The following WWOX variants were observed in gnomAD, a reference collection of about 807,000 sequenced individuals.
WWOX encodes the protein WW domain containing oxidoreductase.
A neutral mutation model predicts 46.2 loss-of-function variants in WWOX; 69 were observed. That is an observed-to-expected ratio of 1.49 (90% CI 1.23 to 1.82). The LOEUF (loss-of-function observed/expected upper bound fraction) is 1.82. Ranked by LOEUF, WWOX falls within the 40% of genes most tolerant of loss-of-function variation. WWOX has a pLI of 0.00. For synonymous variants in WWOX, 359 were observed against 202.6 expected (o/e 1.77, Z -6.56); for missense variants, 919 against 542.6 (o/e 1.69, Z -6.89).
chr16:78,912,043 A>G (rs117670448), intron 8 of WWOX, among the ~76,000 whole-genome samples: 1 of 151,966 alleles, frequency 6.6e-6, no homozygotes, highest in Non-Finnish European at 1.5e-5. Flanking sequence ...GGGCAAAGCT[A>G]CCTAGGTTCT....
At chr16:78,589,871 A>G (rs891171761) in intron 8 of WWOX, among the ~76,000 whole-genome samples, 3 of 152,168 alleles carry the variant, frequency 2.0e-5, no homozygotes, top group African/African-American at 4.8e-5. Context: ...CAAGGGGGGA[A>G]AAATGGAAAA....
intron 8 of WWOX, among the ~76,000 whole-genome samples, chr16:78,473,592 A>T (rs745895723): frequency 2.7e-5 from 4 of 145,892 alleles, no homozygotes; most frequent in Non-Finnish European, 4.5e-5. Context: ...TTCAGGGGAG[A>T]TTGTTGTCCC....
chr16:78,622,370 C>T (rs1249770357), intron 8 of WWOX, among the ~76,000 whole-genome samples: 1 of 151,966 alleles, frequency 6.6e-6, no homozygotes, highest in African/African-American at 2.4e-5. Flanking sequence ...TGGTAAAACC[C>T]CACCTCTACT....
In WWOX at chr16:78,717,235, A is replaced by C. The variant is rs577850113; in HGVS notation, c.1056+284483A>C. Among the ~76,000 whole-genome samples, 57 of 152,190 alleles carry C rather than the reference A, an allele frequency of 3.7e-4. 1 individual carries two copies. The highest frequency in any genetic ancestry group is 1.2e-4 in the Non-Finnish European group (8 of 68,028). On this transcript the variant is annotated intron_variant, in intron 8 of 8. Transcript: ENST00000566780. The stretch of plus-strand genomic sequence containing the variant: ...TTTTAAATTTAATTTAAATCAATTC[A>C]TTAAGCATTGCTAAATTGGAAAACC...
intron 8 of WWOX, among the ~76,000 whole-genome samples, chr16:78,882,634 T>C (rs2044367599): frequency 6.6e-6 from 1 of 151,746 alleles, no homozygotes; most frequent in Non-Finnish European, 1.5e-5. Context: ...ATTACAGGTA[T>C]GTGCTACCGT....
At chr16:78,358,866 CTTTTT>C (rs57364873) in intron 5 of WWOX, among the ~76,000 whole-genome samples, 2 of 120,968 alleles carry the variant, frequency 1.7e-5, no homozygotes, top group Non-Finnish European at 3.3e-5. Context: ...ACACTGTGGT[CTTTTT>C]TTTTTTTTTT....
At chr16:78,969,503 T>A (rs2046429093) in intron 8 of WWOX, among the ~76,000 whole-genome samples, 1 of 152,040 alleles carries the variant, frequency 6.6e-6, no homozygotes, top group Non-Finnish European at 1.5e-5. Context: ...ACTCCTGACC[T>A]CAAGTGATCC....
intron 8 of WWOX, among the ~76,000 whole-genome samples, chr16:78,867,291 C>T (rs748734406): frequency 1.8e-4 from 28 of 152,092 alleles, no homozygotes; most frequent in Admixed American, 1.0e-3. Flanking sequence ...AGAATACCAA[C>T]GCCGTCTATT....
At chr16:78,629,502 C>A (rs544535460) in intron 8 of WWOX, among the ~76,000 whole-genome samples, 1 of 152,220 alleles carries the variant, frequency 6.6e-6, no homozygotes, top group African/African-American at 2.4e-5. Context: ...CTACTTGCCA[C>A]TCCCTGCTTA....
At chr16:78,417,791 A>G (rs74324694) in intron 6 of WWOX, among the ~76,000 whole-genome samples, 2,250 of 152,252 alleles carry the variant, frequency 0.015, 48 homozygotes, top group East Asian at 0.062. Flanking sequence ...TAGCTGGGCT[A>G]TTGAGGGACT....
intron 8 of WWOX, among the ~76,000 whole-genome samples, chr16:78,469,970 G>A (rs1316071929): frequency 6.6e-6 from 1 of 152,244 alleles, no homozygotes. Context: ...GTTATTGAAG[G>A]TGATGCTAGC....
chr16:79,107,721 C>A (rs976074312), intron 8 of WWOX, among the ~76,000 whole-genome samples: 3 of 152,138 alleles, frequency 2.0e-5, no homozygotes, highest in Non-Finnish European at 4.4e-5. Flanking sequence ...ACATCCTTCC[C>A]CCAGAAATTC....
chr16:78,731,266 C>G (rs560440241), intron 8 of WWOX, among the ~76,000 whole-genome samples: 1 of 152,148 alleles, frequency 6.6e-6, no homozygotes, highest in South Asian at 2.1e-4. Context: ...AGGTTAGACC[C>G]GAGGTAAGAA....
intron 8 of WWOX, among the ~76,000 whole-genome samples, chr16:78,585,800 A>G (rs1255736657): frequency 6.6e-6 from 1 of 151,084 alleles, no homozygotes; most frequent in Non-Finnish European, 1.5e-5. Flanking sequence ...TTCCCGTATC[A>G]TGGTGCTCCT....
At chr16:78,964,187 G>C (rs1045792660) in intron 8 of WWOX, among the ~76,000 whole-genome samples, 2 of 152,230 alleles carry the variant, frequency 1.3e-5, no homozygotes, top group Non-Finnish European at 2.9e-5. Context: ...AAGTGACTTT[G>C]GAACTGGGTA....
chr16:78,689,750 G>C (rs1448487021), intron 8 of WWOX, among the ~76,000 whole-genome samples: 1 of 152,132 alleles, frequency 6.6e-6, no homozygotes, highest in African/African-American at 2.4e-5. Context: ...ATTTGGAGTT[G>C]AGCCCTATCT....
At position 78,616,541 on chromosome 16, in the gene WWOX, C is replaced by T. The variant is rs190678398; in HGVS notation, c.1056+183789C>T. On this transcript the variant is annotated intron_variant, in intron 8 of 8. Transcript: ENST00000566780. ...CTTTGGGAGGCCGAGGCAGGTGTCT[C>T]GGTGGATCACTTGAGGTCAGGAGGT... Among the ~76,000 whole-genome samples, 407 of 151,782 alleles carry T rather than the reference C, an allele frequency of 2.7e-3. 3 individuals are homozygous for T. The highest frequency in any genetic ancestry group is 4.2e-3 in the Non-Finnish European group (285 of 67,916).
At chr16:78,138,714 A>G (rs376373409) in intron 4 of WWOX, among the ~76,000 whole-genome samples, 1 of 152,314 alleles carries the variant, frequency 6.6e-6, no homozygotes, top group South Asian at 2.1e-4. Context: ...TTCAGTAGCA[A>G]TCACCCAACT....
At chr16:79,023,945 C>G (rs2047585926) in intron 8 of WWOX, among the ~76,000 whole-genome samples, 1 of 126,612 alleles carries the variant, frequency 7.9e-6, no homozygotes, top group South Asian at 2.6e-4. Context: ...GACAGCAAGA[C>G]TCCATCTCAA....
Sources: allele counts gnomAD v4.1 joint callset (sites outside exome capture counted in the v4.1 genomes callset), GRCh38; gene constraint gnomAD v4.1.1; transcripts MANE v1.5; gene names NCBI Gene and HGNC (gene_info 2026-07-23, HGNC 2026-07-21).